Variants in CLK4 observed in about 807,000 individuals in gnomAD.
CLK4 encodes dual specificity protein kinase CLK4.
In CLK4, 37 loss-of-function variants were observed where a neutral mutation model predicts 64.4. The observed-to-expected ratio is 0.57, with a 90% confidence interval of 0.44 to 0.76. The LOEUF (loss-of-function observed/expected upper bound fraction) is 0.76. CLK4 is among the 30% of genes least tolerant of loss of function. The pLI is 0.00. For synonymous variants in CLK4, 175 were observed against 191.6 expected (o/e 0.91, Z 0.72); for missense variants, 457 against 605.1 (o/e 0.76, Z 2.57).
At chr5:178,622,619 C>G (rs544761805) in intron 2 of CLK4, 1 of 165,012 alleles carries the variant, frequency 6.1e-6, no homozygotes, top group Admixed American at 6.5e-5. Context: ...GGTAAGAATA[C>G]AATAAAACAG....
rs1309607267 is a variant in CLK4 at position 178,617,637 on chromosome 5, T to C, written c.385-203A>G. ...CAGTTTATGTTACAGAAGAAAAACATGGCAAGGAACAGATTTTCAGATAAG... is the reference window on the plus strand; with the variant it reads ...CAGTTTATGTTACAGAAGAAAAACACGGCAAGGAACAGATTTTCAGATAAG... On this transcript the variant is annotated intron_variant, in intron 3 of 12. Coordinates refer to ENST00000316308, the MANE Select transcript of CLK4 (RefSeq NM_020666.3). The surrounding 1 kb of genome is among the most constrained non-coding windows in gnomAD (Gnocchi z 5.2). 10 of 447,818 alleles carry C rather than the reference T, an allele frequency of 2.2e-5. No individual in the cohort carries two copies. Among genetic ancestry groups the C allele is most frequent in the Admixed American group, 4.3e-5 (1 of 23,444 alleles). The allele number at this position is 447,818 out of a possible 1,614,324, so 27.7% of individuals were successfully genotyped here.
intron 2 of CLK4, 50 bp from the exon 3 acceptor site, chr5:178,618,828 T>C (rs1250729447): frequency 2.7e-6 from 4 of 1,470,710 alleles, no homozygotes; most frequent in Admixed American, 1.8e-5. Context: ...TCTGCAATAA[T>C]GTGGTTCAAA....
chr5:178,609,734 A>T (rs1455811303), intron 9 of CLK4, among the ~76,000 whole-genome samples: 2 of 141,844 alleles, frequency 1.4e-5, no homozygotes, highest in Admixed American at 7.1e-5. Context: ...AAAATTTTAA[A>T]ATATATATAT....
chr5:178,623,184 G>A, intron 2 of CLK4, 72 bp downstream of exon 2: 5 of 1,350,212 alleles, frequency 3.7e-6, no homozygotes, highest in African/African-American at 2.9e-5. Context: ...ACAGATGAAA[G>A]CTATATAAGC....
At chr5:178,612,217 A>G (rs965205247) in intron 9 of CLK4, among the ~76,000 whole-genome samples, 199 bp downstream of exon 9, 6 of 152,252 alleles carry the variant, frequency 3.9e-5, no homozygotes, top group African/African-American at 1.4e-4. Context: ...CACCACCTGG[A>G]ATATCTTTCC....
chr5:178,614,216 T>G (rs1759943535), intron 5 of CLK4, among the ~76,000 whole-genome samples: 1 of 152,218 alleles, frequency 6.6e-6, no homozygotes, highest in South Asian at 2.1e-4. Context: ...TGCACAGATA[T>G]TAGTGATTAA....
intron 5 of CLK4, among the ~76,000 whole-genome samples, chr5:178,616,667 G>C (rs772027369): frequency 2.0e-5 from 3 of 152,058 alleles, no homozygotes; most frequent in Non-Finnish European, 4.4e-5. Context: ...GTGGTGGCAG[G>C]CTCCTGTAAT....
intron 2 of CLK4, chr5:178,620,104 C>T (rs1250050884): frequency 6.5e-6 from 2 of 307,090 alleles, no homozygotes; most frequent in East Asian, 1.6e-4. Context: ...AGCATCAAAT[C>T]CAGGCTGGGG....
chr5:178,612,989 G>T, intron 7 of CLK4, 99 bp from the exon 8 acceptor site: 2 of 552,700 alleles, frequency 3.6e-6, no homozygotes, highest in Non-Finnish European at 3.3e-6. Context: ...GTCAAGAGAC[G>T]ATTCATCTTT....
intron 2 of CLK4, 40 bp from the exon 3 acceptor site, chr5:178,618,818 T>C (rs1764665160): frequency 6.6e-7 from 1 of 1,512,958 alleles, no homozygotes; most frequent in Non-Finnish European, 9.1e-7. Flanking sequence ...TTCTCTTCAT[T>C]CTGCAATAAT....
At chr5:178,606,797 A>G (rs980545424) in intron 10 of CLK4, among the ~76,000 whole-genome samples, 4 of 152,004 alleles carry the variant, frequency 2.6e-5, no homozygotes, top group Non-Finnish European at 5.9e-5. Flanking sequence ...ACCCTCTACT[A>G]AAAATACAAA....
chr5:178,610,927 G>A (rs552130106), intron 9 of CLK4, among the ~76,000 whole-genome samples: 1 of 152,078 alleles, frequency 6.6e-6, no homozygotes, highest in East Asian at 1.9e-4. Flanking sequence ...ATAAAAATTA[G>A]CCGGGTGTGG....
At chr5:178,611,391 T>G (rs935178251) in intron 9 of CLK4, among the ~76,000 whole-genome samples, 13 of 152,216 alleles carry the variant, frequency 8.5e-5, no homozygotes, top group Non-Finnish European at 1.5e-4. Flanking sequence ...TGGTAACCAC[T>G]AGCCACATGT....
intron 1 of CLK4, among the ~76,000 whole-genome samples, chr5:178,623,811 T>C (rs1275756151): frequency 6.6e-6 from 1 of 152,180 alleles, no homozygotes; most frequent in Non-Finnish European, 1.5e-5. Flanking sequence ...AGCTAAAAAT[T>C]AGTAACGTTT....
chr5:178,623,313 CTAT>C lies in CLK4; in HGVS notation c.101_103del (p.His34_Ser35delinsArg), dbSNP rs1196949021. On this transcript the variant is annotated inframe_deletion, in exon 2 of 13. Transcript: ENST00000316308. ...ACAATGCCTGTTCTCTTGTGTGCTA[CTAT>C]GAGATCTCCTCTTCCGCTTGTGACT... 2.5e-6 allele frequency: 4 copies of C among 1,613,912 alleles called. No homozygotes were observed. Among genetic ancestry groups the C allele is most frequent in the Admixed American group, 3.3e-5 (2 of 60,000 alleles).
At chr5:178,612,334 C>G (rs1386246122) in intron 9 of CLK4, 82 bp downstream of exon 9, 11 of 1,271,092 alleles carry the variant, frequency 8.7e-6, no homozygotes, top group Middle Eastern at 2.0e-4. Flanking sequence ...GAAGATCATA[C>G]TTCCCCACCC....
chr5:178,605,129 C>CAA (rs10644053), intron 11 of CLK4, 174 bp downstream of exon 11: 33,022 of 199,330 alleles, frequency 0.17, 4,300 homozygotes, highest in African/African-American at 0.46. Context: ...GACTCCATCT[C>CAA]AAAAAAAAAA....
intron 2 of CLK4, 89 bp from the exon 3 acceptor site, chr5:178,618,867 A>G: frequency 1.0e-6 from 1 of 983,058 alleles, no homozygotes. Context: ...ATTCTTAAAC[A>G]GCTAACTCAA....
In CLK4 at chr5:178,617,939, A is replaced by T. The variant is rs983369316; in HGVS notation, c.385-505T>A. On this transcript the variant is annotated intron_variant, in intron 3 of 12. Transcript: ENST00000316308. This position sits in a 1 kb window ranked among gnomAD's most constrained non-coding sequence, Gnocchi z 5.2. ...TTAATTTCAATGTTCAATCTAATAA[A>T]AACTAGTTTTACTGAAGAAAACTTG... 2.0e-5 allele frequency: 3 copies of T among 152,352 alleles called. No homozygotes were observed. Among genetic ancestry groups the T allele is most frequent in the African/African-American group, 7.2e-5 (3 of 41,574 alleles). The allele number at this position is 152,352 out of a possible 1,614,324, so 9.4% of individuals were successfully genotyped here. A position where few individuals can be genotyped will look rare whatever the true frequency, so the allele number is the denominator to read the frequency against.
Sources: gnomAD v4.1 joint callset for allele counts (sites outside exome capture counted in the v4.1 genomes callset) on GRCh38, gnomAD v4.1.1 for gene constraint, Gnocchi (gnomAD v3.1) non-coding constraint, MANE v1.5 for transcripts, NCBI Gene and HGNC (gene_info 2026-07-23, HGNC 2026-07-21) for gene names.